LMTK2: variants seen among roughly 807,000 people sequenced by gnomAD.
The protein encoded by LMTK2 is lemur tail kinase 2, also known as serine/threonine-protein kinase LMTK2.
In LMTK2, 37 loss-of-function variants were observed where a neutral mutation model predicts 127.5. That is an observed-to-expected ratio of 0.29 (90% confidence interval 0.22 to 0.38). The LOEUF (loss-of-function observed/expected upper bound fraction) is 0.38. Among genes scored for constraint, LMTK2 ranks in the 10% least tolerant of loss-of-function variants. LMTK2 has a pLI of 1.00. For missense variants in LMTK2, 1,694 were observed against 1,920.3 expected (o/e 0.88, Z 2.20); for synonymous variants, 819 against 810.1 (o/e 1.01, Z -0.19).
rs140730755 is a variant in LMTK2, at chr7:98,134,839, C to G, written c.104-2476C>G. Among the ~76,000 whole-genome samples, 457 of 152,286 alleles carry G rather than the reference C, an allele frequency of 3.0e-3. 5 individuals carry two copies. Among genetic ancestry groups the G allele is most frequent in the Middle Eastern group, 0.024 (7 of 294 alleles). The stretch of plus-strand genomic sequence containing the variant: ...GTTTTCCAAATGGACACAAGTGTGT[C>G]TGTGGTTAGGGAGTTCTTGTTCTCA... On this transcript the variant is annotated intron_variant, in intron 1 of 13. Transcript: ENST00000297293.
chr7:98,140,118 CTTT>C (rs1796657643), intron 2 of LMTK2, among the ~76,000 whole-genome samples: 3 of 11,546 alleles, frequency 2.6e-4, no homozygotes, highest in Non-Finnish European at 8.6e-4. Context: ...TTCTTTCTTT[CTTT>C]CTTTCTTTCT....
intron 11 of LMTK2, among the ~76,000 whole-genome samples, chr7:98,197,784 G>A (rs541076977): frequency 6.6e-6 from 1 of 152,368 alleles, no homozygotes; most frequent in Admixed American, 6.5e-5. Context: ...TGAGAGTGCA[G>A]TGAGCTATGA....
chr7:98,106,887 G>A lies in LMTK2; in HGVS notation c.-291G>A, dbSNP rs1227445098. The A allele has an allele frequency of 9.0e-6, 4 of 443,684 alleles. No homozygotes were observed. Among genetic ancestry groups the A allele is most frequent in the South Asian group, 4.6e-5 (1 of 21,584 alleles). 27.5% of individuals were successfully genotyped at this position (443,684 alleles called of 1,614,324 possible). ...GTCACATGACGCAGCCCATCATGGC[G>A]GCGGGAGCGCGGCTTCCCAGGCCCG... On this transcript the variant is annotated 5_prime_UTR_variant, in exon 1 of 14. Coordinates refer to ENST00000297293, the MANE Select transcript of LMTK2 (RefSeq NM_014916.4).
Position 98,191,594 on chromosome 7 carries a change from G to T in LMTK2, c.1149-20G>T. 1.3e-6 allele frequency: 2 copies of T among 1,527,196 alleles called. No homozygotes were observed. The highest frequency in any genetic ancestry group is 1.3e-5 in the South Asian group (1 of 79,100). The allele number at this position is 1,527,196 out of a possible 1,614,324, so 94.6% of individuals were successfully genotyped here. On this transcript the variant is annotated intron_variant, in intron 10 of 13. Coordinates refer to ENST00000297293, the MANE Select transcript of LMTK2 (RefSeq NM_014916.4). ...AAAATTCGTGATGGTTCCACTGATT[G>T]CTTGTCGTGTGCTGCTCAGGTATGA...
At chr7:98,178,300 G>A (rs1265049404) in intron 7 of LMTK2, among the ~76,000 whole-genome samples, 2 of 152,182 alleles carry the variant, frequency 1.3e-5, no homozygotes, top group Non-Finnish European at 2.9e-5. Flanking sequence ...TGCCTCCTGC[G>A]TGTTGAGTTT....
chr7:98,184,083 A>G (rs28797522), intron 7 of LMTK2, among the ~76,000 whole-genome samples: 9,112 of 152,198 alleles, frequency 0.06, 665 homozygotes, highest in East Asian at 0.36. Context: ...CAGTACACTT[A>G]GAAGGGCCAA....
chr7:98,172,493 TG>T (rs1395125559), intron 7 of LMTK2, among the ~76,000 whole-genome samples: 5 of 152,068 alleles, frequency 3.3e-5, no homozygotes, highest in African/African-American at 1.2e-4. Context: ...CCAAAGGACT[TG>T]GAGTCCCGTC....
At chr7:98,191,018 T>C (rs1797515025) in intron 10 of LMTK2, 141 bp downstream of exon 10, 1 of 806,320 alleles carries the variant, frequency 1.2e-6, no homozygotes, top group Non-Finnish European at 2.0e-6. Flanking sequence ...AACTACTTAA[T>C]GTGGTTGGCA....
chr7:98,124,735 A>G (rs543629828), intron 1 of LMTK2, among the ~76,000 whole-genome samples: 8 of 152,184 alleles, frequency 5.3e-5, no homozygotes, highest in Admixed American at 1.3e-4. Flanking sequence ...GCAGTGAGCT[A>G]TGATTATACC....
intron 6 of LMTK2, among the ~76,000 whole-genome samples, chr7:98,166,391 G>A (rs974635695): frequency 3.3e-5 from 5 of 152,156 alleles, no homozygotes; most frequent in South Asian, 2.1e-4. Context: ...ACTGTTGTCT[G>A]TAAAAGTTTA....
chr7:98,125,074 C>T (rs146601032), intron 1 of LMTK2, among the ~76,000 whole-genome samples: 48 of 152,198 alleles, frequency 3.2e-4, no homozygotes, highest in African/African-American at 1.0e-3. Flanking sequence ...GAGGCCGAGG[C>T]GGGCGGATCA....
chr7:98,158,664 C>T (rs1367567136), intron 5 of LMTK2, among the ~76,000 whole-genome samples: 4 of 151,942 alleles, frequency 2.6e-5, no homozygotes, highest in South Asian at 2.1e-4. Context: ...GCATTTACAT[C>T]GTATTAGGTA....
At position 98,192,129 on chromosome 7, in the gene LMTK2, T is replaced by A. The variant is rs1325879371; in HGVS notation, c.1664T>A (p.Leu555Ter). 1 of 1,535,048 alleles carries A rather than the reference T, an allele frequency of 6.5e-7. No homozygotes were observed. Among genetic ancestry groups the A allele is most frequent in the Admixed American group, 2.2e-5 (1 of 46,348 alleles). ...GTTGGAAGCGACTATTATATCCAGT[T>A]AGAAGAAAAAAGTGGTAGTAACTTG... ...LSVGSDYYIQ[L>*]EEKSGSNLEL... Residue 555 changes from leucine (L) to a stop codon, truncating the protein, a stop_gained, in exon 11 of 14, where the codon TTA becomes TAA. Coordinates refer to ENST00000297293, the MANE Select transcript of LMTK2 (RefSeq NM_014916.4). LOFTEE classifies it high-confidence loss of function.
chr7:98,146,252 T>C (rs1796770797), intron 3 of LMTK2, among the ~76,000 whole-genome samples: 1 of 152,186 alleles, frequency 6.6e-6, no homozygotes, highest in Non-Finnish European at 1.5e-5. Context: ...AGTTTTGAAA[T>C]CAAGATATAT....
At chr7:98,157,901 C>G (rs959013246) in intron 5 of LMTK2, among the ~76,000 whole-genome samples, 1 of 152,164 alleles carries the variant, frequency 6.6e-6, no homozygotes, top group Non-Finnish European at 1.5e-5. Context: ...TTACACACAT[C>G]TGTGCACGTG....
At chr7:98,155,875 A>T (rs1023727092) in intron 5 of LMTK2, among the ~76,000 whole-genome samples, 1 of 152,216 alleles carries the variant, frequency 6.6e-6, no homozygotes, top group Non-Finnish European at 1.5e-5. Flanking sequence ...GGCTGATTGT[A>T]TCATCAAAAT....
chr7:98,195,112 G>T (rs1797607058), intron 11 of LMTK2, among the ~76,000 whole-genome samples: 2 of 152,116 alleles, frequency 1.3e-5, no homozygotes, highest in Admixed American at 1.3e-4. Context: ...CAAACTCCTG[G>T]GCTCAAGCCA....
rs570878117 is a variant in LMTK2, at chr7:98,170,809, G to A, written c.658-732G>A. On this transcript the variant is annotated intron_variant, in intron 6 of 13. Coordinates refer to ENST00000297293, the MANE Select transcript of LMTK2 (RefSeq NM_014916.4). ...AAATGAAAATCATGAAATAAAGACA[G>A]CGTAACACAGGGAAGTCTTGGAGGA... Among the ~76,000 whole-genome samples the A allele has an allele frequency of 5.9e-5, 9 of 152,236 alleles. No individual in the cohort carries two copies. The South Asian group carries it at 1.9e-3, about 32-fold the overall frequency.
intron 1 of LMTK2, among the ~76,000 whole-genome samples, chr7:98,111,837 A>G (rs961510832): frequency 6.6e-6 from 1 of 152,214 alleles, no homozygotes; most frequent in Non-Finnish European, 1.5e-5. Flanking sequence ...GTGGATGGAG[A>G]TGCTTTAGAG....
Sources: allele counts gnomAD v4.1 joint callset (sites outside exome capture counted in the v4.1 genomes callset), GRCh38; gene constraint gnomAD v4.1.1; transcripts MANE v1.5; gene names NCBI Gene and HGNC (gene_info 2026-07-23, HGNC 2026-07-21).